The following KCTD16 variants were observed in gnomAD, a reference collection of about 807,000 sequenced individuals.
The protein encoded by KCTD16 is BTB/POZ domain-containing protein KCTD16.
Under a neutral mutation model 33.2 loss-of-function variants are expected in KCTD16, and 13 were observed. The ratio of observed to expected loss-of-function variants is 0.39; its 90% CI spans 0.25 to 0.62. The LOEUF is 0.62. KCTD16 is among the 20% of genes least tolerant of loss of function. The pLI is 0.50. For synonymous variants in KCTD16, 197 were observed against 195.3 expected (o/e 1.01, Z -0.07); for missense variants, 441 against 525.1 (o/e 0.84, Z 1.57).
chr5:144,438,347 C>T (rs918078822), intron 3 of KCTD16, among the ~76,000 whole-genome samples: 3 of 152,194 alleles, frequency 2.0e-5, no homozygotes, highest in Admixed American at 1.3e-4. Flanking sequence ...CTGAAAAGCA[C>T]AGGAATAGAC....
intron 3 of KCTD16, among the ~76,000 whole-genome samples, chr5:144,417,758 A>G (rs978976981): frequency 1.3e-5 from 2 of 151,728 alleles, no homozygotes; most frequent in Non-Finnish European, 2.9e-5. Context: ...GATCCTTTTG[A>G]GTTTTTTTTG....
chr5:144,389,112 T>G (rs1404869712), intron 3 of KCTD16, among the ~76,000 whole-genome samples: 2 of 152,142 alleles, frequency 1.3e-5, no homozygotes, highest in African/African-American at 4.8e-5. Context: ...CTTCAGCAGA[T>G]GAAGTCAGTC....
At chr5:144,285,563 G>A (rs1374177114) in intron 3 of KCTD16, among the ~76,000 whole-genome samples, 2 of 152,004 alleles carry the variant, frequency 1.3e-5, no homozygotes, top group Admixed American at 1.3e-4. Context: ...TTGACCTTGC[G>A]TTTTTTGTTT....
At chr5:144,285,756 A>G (rs534106207) in intron 3 of KCTD16, among the ~76,000 whole-genome samples, 3 of 152,316 alleles carry the variant, frequency 2.0e-5, no homozygotes, top group Non-Finnish European at 2.9e-5. Context: ...TAGAGCTATA[A>G]TCTCGAATGA....
intron 3 of KCTD16, among the ~76,000 whole-genome samples, chr5:144,240,390 G>GT (rs1460289129): frequency 6.0e-5 from 9 of 150,126 alleles, no homozygotes; most frequent in African/African-American, 9.8e-5. Context: ...TTTTTTCTTT[G>GT]TTTTTTTACT....
At chr5:144,254,091 G>A (rs921183123) in intron 3 of KCTD16, among the ~76,000 whole-genome samples, 5 of 151,820 alleles carry the variant, frequency 3.3e-5, no homozygotes, top group Admixed American at 3.3e-4. Context: ...ATAGGTCTTT[G>A]GAGAAAACCA....
intron 3 of KCTD16, among the ~76,000 whole-genome samples, chr5:144,462,645 C>T (rs1364020205): frequency 6.7e-6 from 1 of 150,006 alleles, no homozygotes; most frequent in East Asian, 1.9e-4. Flanking sequence ...TACCCAGTAA[C>T]AATTACATCA....
At chr5:144,310,865 C>T (rs1186383171) in intron 3 of KCTD16, among the ~76,000 whole-genome samples, 1 of 152,186 alleles carries the variant, frequency 6.6e-6, no homozygotes. Context: ...ACCTTTGTTT[C>T]TGTTGCCACT....
At chr5:144,179,291 A>G (rs1038966382) in intron 2 of KCTD16, among the ~76,000 whole-genome samples, 2 of 152,122 alleles carry the variant, frequency 1.3e-5, no homozygotes, top group Admixed American at 1.3e-4. Context: ...TCAGGCCTCA[A>G]CCCAAGTGGT....
At chr5:144,324,846 G>A (rs1260908924) in intron 3 of KCTD16, among the ~76,000 whole-genome samples, 3 of 152,192 alleles carry the variant, frequency 2.0e-5, no homozygotes, top group African/African-American at 7.2e-5. Context: ...AACACTGCAT[G>A]TTCTCATTTA....
chr5:144,318,769 T>G (rs2126883032), intron 3 of KCTD16, among the ~76,000 whole-genome samples: 1 of 152,264 alleles, frequency 6.6e-6, no homozygotes, highest in African/African-American at 2.4e-5. Context: ...ACAGATAGCT[T>G]GTCTCTATAT....
intron 3 of KCTD16, among the ~76,000 whole-genome samples, chr5:144,231,684 A>G (rs1172136870): frequency 6.6e-6 from 1 of 152,042 alleles, no homozygotes; most frequent in Non-Finnish European, 1.5e-5. Context: ...TGTTCTCATG[A>G]TAGTGAATTT....
Position 144,444,211 on chromosome 5 carries a change from T to A in KCTD16, c.833-29449T>A, listed in dbSNP as rs73792029. On this transcript the variant is annotated intron_variant, in intron 3 of 3. Coordinates refer to ENST00000512467, the MANE Select transcript of KCTD16 (RefSeq NM_020768.4). ...AAACCCCACCCCAACCCCTCCCCCCTCCACACACAAAGATAAAACACTTCA... is the reference window on the plus strand; with the variant it reads ...AAACCCCACCCCAACCCCTCCCCCCACCACACACAAAGATAAAACACTTCA... Among the ~76,000 whole-genome samples, 403 of 77,034 alleles carry A rather than the reference T, an allele frequency of 5.2e-3. 3 individuals are homozygous for A. Among genetic ancestry groups the A allele is most frequent in the African/African-American group, 0.019 (380 of 19,870 alleles). 50.5% of individuals were successfully genotyped at this position (77,034 alleles called of 152,430 possible).
chr5:144,401,771 A>T (rs1453777770), intron 3 of KCTD16, among the ~76,000 whole-genome samples: 1 of 152,250 alleles, frequency 6.6e-6, no homozygotes, highest in Non-Finnish European at 1.5e-5. Flanking sequence ...GTAAGTCTAC[A>T]GTGCTTTATA....
At chr5:144,269,630 A>G (rs1755240839) in intron 3 of KCTD16, among the ~76,000 whole-genome samples, 1 of 152,136 alleles carries the variant, frequency 6.6e-6, no homozygotes, top group Non-Finnish European at 1.5e-5. Flanking sequence ...AGGACAGCAG[A>G]CAGTAACTCA....
chr5:144,393,166 C>G (rs1752489402), intron 3 of KCTD16, among the ~76,000 whole-genome samples: 1 of 152,154 alleles, frequency 6.6e-6, no homozygotes, highest in African/African-American at 2.4e-5. Context: ...TATAGCTCAT[C>G]ACTGTTGCCC....
chr5:144,275,906 A>C (rs566413386), intron 3 of KCTD16, among the ~76,000 whole-genome samples: 2 of 152,308 alleles, frequency 1.3e-5, no homozygotes, highest in East Asian at 3.9e-4. Context: ...CTGTACCATG[A>C]CGAAAGCCTT....
chr5:144,221,306 T>G (rs1293015395), intron 3 of KCTD16, among the ~76,000 whole-genome samples: 1 of 152,190 alleles, frequency 6.6e-6, no homozygotes, highest in Non-Finnish European at 1.5e-5. Context: ...CTGGGATACA[T>G]GTGCAGAACG....
intron 3 of KCTD16, among the ~76,000 whole-genome samples, chr5:144,332,248 A>G (rs1752379696): frequency 1.3e-5 from 2 of 152,336 alleles, no homozygotes; most frequent in South Asian, 4.1e-4. Flanking sequence ...TTGATAAAGA[A>G]GAGAAAGCTG....
Sources: gnomAD v4.1 joint callset for allele counts (sites outside exome capture counted in the v4.1 genomes callset) on GRCh38, gnomAD v4.1.1 for gene constraint, MANE v1.5 for transcripts, NCBI Gene and HGNC (gene_info 2026-07-23, HGNC 2026-07-21) for gene names.